GNB1: variants seen among roughly 807,000 people sequenced by gnomAD.
GNB1 encodes the protein G protein subunit beta 1, also known as guanine nucleotide-binding protein G(I)/G(S)/G(T) subunit beta-1.
GNB1 carries 2 observed loss-of-function variants against 42.9 expected under a neutral mutation model. The observed-to-expected ratio is 0.05, with a 90% CI of 0.02 to 0.15. The LOEUF (loss-of-function observed/expected upper bound fraction) is 0.15. GNB1 is among the 10% of genes least tolerant of loss of function. The pLI is 1.00. For synonymous variants in GNB1, 183 were observed against 174.7 expected (o/e 1.05, Z -0.38); for missense variants, 193 against 462.2 (o/e 0.42, Z 5.34).
intron 7 of GNB1, 128 bp downstream of exon 7, chr1:1,804,291 T>G (rs953259490): frequency 1.5e-6 from 1 of 656,484 alleles, no homozygotes; most frequent in Non-Finnish European, 2.5e-6. Context: ...AGAGCGAGAC[T>G]CCGCCTCAAA....
chr1:1,888,709 G>A (rs1047451509), intron 1 of GNB1, among the ~76,000 whole-genome samples: 5 of 152,212 alleles, frequency 3.3e-5, no homozygotes, highest in Middle Eastern at 3.4e-3. Context: ...TGTGGTGGTG[G>A]TAGCTGTAAT....
chr1:1,876,719 C>T lies in GNB1; in HGVS notation c.-96+14101G>A, dbSNP rs577062381. On this transcript the variant is annotated intron_variant, in intron 1 of 11. Coordinates refer to ENST00000378609, the MANE Select transcript of GNB1 (RefSeq NM_002074.5). Reference sequence around the variant, plus strand: ...CAGAGTCAAACACCATCAGTAGTAGCGGTACTGGAAGCTAACACTTTGAGG... The same window carrying T: ...CAGAGTCAAACACCATCAGTAGTAGTGGTACTGGAAGCTAACACTTTGAGG... Among the ~76,000 whole-genome samples the T allele has an allele frequency of 5.9e-5, 9 of 152,238 alleles. No individual in the cohort carries two copies. In the East Asian group the frequency reaches 1.3e-3, roughly 23 times the overall value.
Position 1,834,857 on chromosome 1 carries a change from A to G in GNB1, c.-47+4333T>C, listed in dbSNP as rs981259033. Among the ~76,000 whole-genome samples the G allele has an allele frequency of 2.6e-5, 4 of 151,760 alleles. No individual in the cohort carries two copies. The South Asian group carries it at 8.3e-4, about 32-fold the overall frequency. ...CTAATTTTTTAAATTTTTATTAGAG[A>G]CGGGGTTTCACCGTGTTAGCCAGGA... On this transcript the variant is annotated intron_variant, in intron 2 of 11. Transcript: ENST00000378609.
intron 1 of GNB1, among the ~76,000 whole-genome samples, chr1:1,872,534 G>A (rs1557944959): frequency 6.6e-6 from 1 of 152,152 alleles, no homozygotes; most frequent in Non-Finnish European, 1.5e-5. Context: ...CCTGTGTGCT[G>A]AGCTTCACCC....
At chr1:1,789,912 T>C (rs1394062966) in intron 9 of GNB1, among the ~76,000 whole-genome samples, 3 of 152,128 alleles carry the variant, frequency 2.0e-5, no homozygotes, top group African/African-American at 4.8e-5. Flanking sequence ...GCTAATCTCA[T>C]GGAGGAAGGA....
chr1:1,884,775 C>G (rs1342802603), intron 1 of GNB1, among the ~76,000 whole-genome samples: 1 of 151,886 alleles, frequency 6.6e-6, no homozygotes, highest in Admixed American at 6.6e-5. Flanking sequence ...GTCTGCCTCC[C>G]GGGTTCACAC....
chr1:1,825,151 CTT>C, intron 3 of GNB1: 1 of 415,264 alleles, frequency 2.4e-6, no homozygotes, highest in Non-Finnish European at 4.3e-6. Flanking sequence ...GCAAAAGACA[CTT>C]ATAAATTCTA....
chr1:1,847,226 C>T (rs915654006), intron 1 of GNB1, among the ~76,000 whole-genome samples: 1 of 152,120 alleles, frequency 6.6e-6, no homozygotes, highest in South Asian at 2.1e-4. Flanking sequence ...AGCTGCTAAC[C>T]CCTGAGCCTT....
intron 2 of GNB1, among the ~76,000 whole-genome samples, chr1:1,838,631 A>C (rs1647183231): frequency 6.6e-6 from 1 of 150,824 alleles, no homozygotes; most frequent in Middle Eastern, 3.2e-3. Flanking sequence ...TTTTTAGTAG[A>C]GACAGGGTTT....
chr1:1,805,790 C>T (rs1646688616), intron 6 of GNB1, among the ~76,000 whole-genome samples: 1 of 152,246 alleles, frequency 6.6e-6, no homozygotes, highest in Middle Eastern at 3.4e-3. Flanking sequence ...GATCCACCTG[C>T]TTCAGCCTCC....
intron 1 of GNB1, among the ~76,000 whole-genome samples, chr1:1,888,369 A>G (rs1206649766): frequency 7.0e-6 from 1 of 142,248 alleles, no homozygotes; most frequent in African/African-American, 2.5e-5. Context: ...CTCAATCTCA[A>G]AAAAAAAAAA....
chr1:1,873,448 G>T (rs950776425), intron 1 of GNB1, among the ~76,000 whole-genome samples: 1 of 152,178 alleles, frequency 6.6e-6, no homozygotes, highest in Non-Finnish European at 1.5e-5. Flanking sequence ...ACTGTTAATT[G>T]CCCTTGCTAG....
At chr1:1,868,367 G>C (rs183719567) in intron 1 of GNB1, among the ~76,000 whole-genome samples, 110 of 152,084 alleles carry the variant, frequency 7.2e-4, no homozygotes, top group Non-Finnish European at 8.5e-4. Flanking sequence ...AGTAGAGATG[G>C]GGTTTTACCA....
At chr1:1,848,494 G>A (rs1442580197) in intron 1 of GNB1, among the ~76,000 whole-genome samples, 1 of 151,912 alleles carries the variant, frequency 6.6e-6, no homozygotes, top group Non-Finnish European at 1.5e-5. Context: ...AAGACAGCAA[G>A]ACCAATCCCA....
chr1:1,870,334 A>G (rs1649177698), intron 1 of GNB1, among the ~76,000 whole-genome samples: 1 of 151,996 alleles, frequency 6.6e-6, no homozygotes, highest in Non-Finnish European at 1.5e-5. Context: ...TGCCCAGCTA[A>G]TTTTGTTTTT....
At chr1:1,843,932 A>T (rs1359930568) in intron 1 of GNB1, among the ~76,000 whole-genome samples, 3 of 151,556 alleles carry the variant, frequency 2.0e-5, no homozygotes, top group African/African-American at 7.3e-5. Context: ...GCGGTGGCTC[A>T]TTCCTGTAAT....
At chr1:1,880,937 TA>T (rs1649810177) in intron 1 of GNB1, among the ~76,000 whole-genome samples, 1 of 151,670 alleles carries the variant, frequency 6.6e-6, no homozygotes, top group African/African-American at 2.4e-5. Context: ...AAGAGTGGGG[TA>T]AAACAGCAGA....
intron 1 of GNB1, among the ~76,000 whole-genome samples, chr1:1,889,786 T>C (rs1002050282): frequency 6.6e-6 from 1 of 151,950 alleles, no homozygotes; most frequent in East Asian, 1.9e-4. Context: ...GAATCAACTA[T>C]CGATTCACAA....
intron 1 of GNB1, among the ~76,000 whole-genome samples, chr1:1,846,061 T>C (rs142857328): frequency 6.6e-6 from 1 of 151,830 alleles, no homozygotes; most frequent in East Asian, 1.9e-4. Flanking sequence ...GCTCCAAAAC[T>C]AAAAAGAACA....
Sources: allele counts gnomAD v4.1 joint callset (sites outside exome capture counted in the v4.1 genomes callset), GRCh38; gene constraint gnomAD v4.1.1; transcripts MANE v1.5; gene names NCBI Gene and HGNC (gene_info 2026-07-23, HGNC 2026-07-21).